Variants in HS2ST1 observed in about 807,000 individuals in gnomAD.
The protein encoded by HS2ST1 is heparan sulfate 2-O-sulfotransferase 1, also known as 2-O-sulfotransferase.
Under a neutral mutation model 42.9 loss-of-function variants are expected in HS2ST1, and 18 were observed. The ratio of observed to expected loss-of-function variants is 0.42; its 90% confidence interval spans 0.29 to 0.62. The LOEUF (loss-of-function observed/expected upper bound fraction) is 0.62, where lower values mean the gene tolerates loss of function less well. Ranked by LOEUF, HS2ST1 falls within the 20% of genes least tolerant of loss-of-function variation. HS2ST1 has a pLI of 0.21. For synonymous variants in HS2ST1, 146 were observed against 152.9 expected (o/e 0.95, Z 0.33); for missense variants, 334 against 433.8 (o/e 0.77, Z 2.04).
chr1:87,080,297 G>A (rs1287324921), intron 2 of HS2ST1, among the ~76,000 whole-genome samples: 4 of 152,140 alleles, frequency 2.6e-5, no homozygotes, highest in Non-Finnish European at 4.4e-5. Flanking sequence ...AGTGATCAGG[G>A]TGAATGGGAA....
chr1:87,024,171 A>C (rs1238549700), intron 1 of HS2ST1, among the ~76,000 whole-genome samples: 2 of 152,272 alleles, frequency 1.3e-5, no homozygotes, highest in East Asian at 3.9e-4. Flanking sequence ...AGGAGGAAGC[A>C]TGGTGAAATT....
intron 1 of HS2ST1, chr1:87,045,649 C>G: frequency 1.3e-6 from 1 of 774,434 alleles, no homozygotes; most frequent in African/African-American, 1.7e-5. Context: ...TTCAATCTTT[C>G]CAATACTGTC....
chr1:87,031,562 A>G (rs1280273810), intron 1 of HS2ST1, among the ~76,000 whole-genome samples: 2 of 152,196 alleles, frequency 1.3e-5, no homozygotes, highest in Non-Finnish European at 2.9e-5. Flanking sequence ...CTAGTGTGCT[A>G]TTTAGTTTGG....
chr1:87,103,420 CT>C lies in HS2ST1; in HGVS notation c.687-9del. On this transcript the variant is annotated splice_polypyrimidine_tract_variant and intron_variant, in intron 5 of 6. Transcript: ENST00000370550. ...TCACAACCAGGTTTTAATTCCTTTT[CT>C]TTGGTTTCAGGAATGTGGGAAGCAG... 6.3e-7 allele frequency: 1 copy of C among 1,580,880 alleles called. No homozygotes were observed. Among genetic ancestry groups the C allele is most frequent in the Non-Finnish European group, 8.6e-7 (1 of 1,167,336 alleles).
chr1:87,064,741 GCCTCAAACT>G (rs1557533484), intron 1 of HS2ST1, among the ~76,000 whole-genome samples: 1 of 152,122 alleles, frequency 6.6e-6, no homozygotes, highest in African/African-American at 2.4e-5. Context: ...GCTCACTGCA[GCCTCAAACT>G]CCTGGGCTCA....
chr1:87,016,101 C>T (rs150351209), intron 1 of HS2ST1, among the ~76,000 whole-genome samples: 87 of 152,306 alleles, frequency 5.7e-4, no homozygotes, highest in African/African-American at 1.9e-3. Flanking sequence ...AGGTGTGAGC[C>T]GCTGTGCCCG....
At chr1:87,001,851 G>T (rs970237450) in intron 1 of HS2ST1, among the ~76,000 whole-genome samples, 1 of 152,042 alleles carries the variant, frequency 6.6e-6, no homozygotes, top group African/African-American at 2.4e-5. Context: ...GAACTCATGT[G>T]ATCCGTCCAC....
chr1:87,075,571 C>T (rs1651520413), intron 2 of HS2ST1, among the ~76,000 whole-genome samples: 1 of 152,104 alleles, frequency 6.6e-6, no homozygotes, highest in African/African-American at 2.4e-5. Context: ...CTGTTGTCTC[C>T]AGCTTCCGTG....
intron 1 of HS2ST1, among the ~76,000 whole-genome samples, chr1:87,026,332 A>T (rs909245677): frequency 1.3e-5 from 2 of 152,240 alleles, no homozygotes; most frequent in Admixed American, 6.5e-5. Context: ...TGGTAGGATC[A>T]TACTCTTAAA....
In HS2ST1 at chr1:86,937,586, T is replaced by C. The variant is rs573088268; in HGVS notation, c.124+22426T>C. Among the ~76,000 whole-genome samples, 5 of 152,300 alleles carry C rather than the reference T, an allele frequency of 3.3e-5. No homozygotes were observed. The South Asian group carries it at 8.3e-4, about 25-fold the overall frequency. ...TTGGTTTTACTCAGCTTCCTTCCCATTGTGGGAATGCCTTCCTCTCCTACA... is the reference window on the plus strand; with the variant it reads ...TTGGTTTTACTCAGCTTCCTTCCCACTGTGGGAATGCCTTCCTCTCCTACA... On this transcript the variant is annotated intron_variant, in intron 1 of 6. Coordinates refer to ENST00000370550, the MANE Select transcript of HS2ST1 (RefSeq NM_012262.4).
At chr1:87,062,129 T>A (rs1651134501) in intron 1 of HS2ST1, among the ~76,000 whole-genome samples, 1 of 152,134 alleles carries the variant, frequency 6.6e-6, no homozygotes, top group Non-Finnish European at 1.5e-5. Context: ...TGCTGTAAAT[T>A]TCCCTCTCAG....
At chr1:87,091,987 G>T (rs1651957357) in intron 3 of HS2ST1, among the ~76,000 whole-genome samples, 1 of 151,936 alleles carries the variant, frequency 6.6e-6, no homozygotes, top group Non-Finnish European at 1.5e-5. Flanking sequence ...ATCCATTGAT[G>T]GTGTTCAAAA....
rs540771980 is a variant in HS2ST1 at position 87,058,164 on chromosome 1, A to G, written c.125-14770A>G. Among the ~76,000 whole-genome samples, 38 of 151,840 alleles carry G rather than the reference A, an allele frequency of 2.5e-4. 1 individual carries two copies. The highest frequency in any genetic ancestry group is 6.8e-3 in the Middle Eastern group (2 of 294). ...AGGTCCCCTGATTTCAGCTCTCATC[A>G]GTGCAGGAATCCTTTTTCCATCATT... On this transcript the variant is annotated intron_variant, in intron 1 of 6. Transcript: ENST00000370550.
chr1:86,948,759 G>T (rs900128457), intron 1 of HS2ST1, among the ~76,000 whole-genome samples: 2 of 152,068 alleles, frequency 1.3e-5, no homozygotes, highest in Non-Finnish European at 2.9e-5. Context: ...ACGGTTTTAG[G>T]ATCTGTTATT....
intron 1 of HS2ST1, among the ~76,000 whole-genome samples, chr1:87,054,448 C>T (rs145555930): frequency 6.6e-6 from 1 of 152,110 alleles, no homozygotes; most frequent in Admixed American, 6.6e-5. Flanking sequence ...AGTATGGGAG[C>T]CTTCATGGTG....
chr1:87,070,195 T>C (rs1189725479), intron 1 of HS2ST1, among the ~76,000 whole-genome samples: 1 of 152,166 alleles, frequency 6.6e-6, no homozygotes, highest in Non-Finnish European at 1.5e-5. Flanking sequence ...AACACCACTG[T>C]TGTATTTCCC....
At chr1:86,927,025 A>G (rs1660435760) in intron 1 of HS2ST1, among the ~76,000 whole-genome samples, 1 of 152,106 alleles carries the variant, frequency 6.6e-6, no homozygotes, top group African/African-American at 2.4e-5. Flanking sequence ...TGGCTGATGA[A>G]CCATCTGGCT....
chr1:86,944,069 T>C (rs1048608802), intron 1 of HS2ST1, among the ~76,000 whole-genome samples: 9 of 152,136 alleles, frequency 5.9e-5, no homozygotes, highest in Non-Finnish European at 1.0e-4. Flanking sequence ...ACATTTAATG[T>C]TGTTTATTTC....
chr1:86,976,704 G>GTGTA (rs1553134337), intron 1 of HS2ST1, among the ~76,000 whole-genome samples: 11 of 79,662 alleles, frequency 1.4e-4, no homozygotes, highest in Non-Finnish European at 2.7e-4. Flanking sequence ...TTATAAAATT[G>GTGTA]TATATATATA....
Sources: allele counts gnomAD v4.1 joint callset (sites outside exome capture counted in the v4.1 genomes callset), GRCh38; gene constraint gnomAD v4.1.1; transcripts MANE v1.5; gene names NCBI Gene and HGNC (gene_info 2026-07-23, HGNC 2026-07-21).